Variants in MICAL3 observed in about 807,000 individuals in gnomAD.
The protein encoded by MICAL3 is microtubule associated monooxygenase, calponin and LIM domain containing 3.
A neutral mutation model predicts 207.4 loss-of-function variants in MICAL3; 62 were observed. That is an observed-to-expected ratio of 0.30 (90% CI 0.24 to 0.37). The LOEUF is 0.37. Among genes scored for constraint, MICAL3 ranks in the 10% least tolerant of loss-of-function variants. The probability of loss-of-function intolerance (pLI) is 1.00; values close to 1 mark genes in which losing one functional copy is unlikely to be tolerated. For synonymous variants in MICAL3, 1,077 were observed against 1,069.3 expected, an observed-to-expected ratio of 1.01 and a Z score of -0.14; for missense variants, 2,368 against 2,635.6, an observed-to-expected ratio of 0.90 and a Z score of 2.22.
intron 1 of MICAL3, among the ~76,000 whole-genome samples, chr22:17,907,398 T>C (rs1931816428): frequency 1.3e-5 from 2 of 152,234 alleles, no homozygotes; most frequent in South Asian, 4.1e-4. Context: ...AGGCCCCGGA[T>C]TAAACGGAGA....
In MICAL3 at chr22:17,790,812, G is replaced by A; in HGVS notation, c.5929C>T (p.Gln1977Ter). 1 of 1,613,746 alleles carries A rather than the reference G, an allele frequency of 6.2e-7. No homozygotes were observed. The highest frequency in any genetic ancestry group is 8.5e-7 in the Non-Finnish European group (1 of 1,179,876). ...RDSLVALLEE[Q>*]RLREREEDKD... is the part of the protein sequence containing the mutation. Reference sequence around the variant, plus strand: ...TCCTCCTCTCTCTCCCGGAGCCGCTGCTCCTCCAGCAGCGCCACCAGTGAG... The same window carrying A: ...TCCTCCTCTCTCTCCCGGAGCCGCTACTCCTCCAGCAGCGCCACCAGTGAG... The change falls in exon 32 of 32, where the codon CAG (glutamine) becomes TAG (stop). Residue 1977 changes from glutamine (Q) to a stop codon, truncating the protein, a stop_gained. Coordinates refer to ENST00000441493, the MANE Select transcript of MICAL3 (RefSeq NM_015241.3). LOFTEE classifies it high-confidence loss of function.
At chr22:17,831,119 C>G (rs1228847578) in intron 21 of MICAL3, among the ~76,000 whole-genome samples, 1 of 152,314 alleles carries the variant, frequency 6.6e-6, no homozygotes, top group Admixed American at 6.5e-5. Context: ...TCATGTCCTT[C>G]CTGCTCACTC....
intron 1 of MICAL3, among the ~76,000 whole-genome samples, chr22:18,015,309 C>T (rs1244359479): frequency 1.3e-5 from 2 of 151,692 alleles, no homozygotes; most frequent in Admixed American, 1.3e-4. Context: ...TTTCTCTTTT[C>T]TTCTACATTC....
rs546735023 is a variant in MICAL3 at position 17,997,161 on chromosome 22, G to A, written c.-75+27120C>T. Among the ~76,000 whole-genome samples, 14 of 147,176 alleles carry A rather than the reference G, an allele frequency of 9.5e-5. No homozygotes were observed. In the East Asian group the frequency reaches 2.4e-3, roughly 25 times the overall value. Reference sequence around the variant, plus strand: ...TCACTGCAACCTCGGCCTCCTGAGCGCAGGCAATCCTCCCACCTCAGCCTC... The same window carrying A: ...TCACTGCAACCTCGGCCTCCTGAGCACAGGCAATCCTCCCACCTCAGCCTC... On this transcript the variant is annotated intron_variant, in intron 1 of 31. Coordinates refer to ENST00000441493, the MANE Select transcript of MICAL3 (RefSeq NM_015241.3).
chr22:17,787,919 C>A lies in MICAL3; in HGVS notation c.*2813G>T, dbSNP rs1468988185. On this transcript the variant is annotated 3_prime_UTR_variant, in exon 32 of 32. Transcript: ENST00000441493. ...CAGGGGCGGGAGCGCCTCCGGCCTG[C>A]CCTCCAGGGAAGCTGCATGTGGACC... 1 of 152,274 alleles carries A rather than the reference C, an allele frequency of 6.6e-6. No individual in the cohort carries two copies. The highest frequency in any genetic ancestry group is 2.4e-5 in the African/African-American group (1 of 41,462). 9.4% of individuals were successfully genotyped at this position (152,274 alleles called of 1,614,324 possible).
chr22:17,968,994 T>A (rs898032474), intron 1 of MICAL3, among the ~76,000 whole-genome samples: 1 of 152,192 alleles, frequency 6.6e-6, no homozygotes, highest in Non-Finnish European at 1.5e-5. Context: ...GTCAAAAATA[T>A]GTAAAATTCA....
chr22:17,913,686 C>A (rs1932282898), intron 1 of MICAL3, among the ~76,000 whole-genome samples: 1 of 152,170 alleles, frequency 6.6e-6, no homozygotes, highest in Non-Finnish European at 1.5e-5. Context: ...ACAGTCCTAA[C>A]ACTTATGTTG....
chr22:17,959,575 A>G (rs1934800814), intron 1 of MICAL3, among the ~76,000 whole-genome samples: 1 of 152,284 alleles, frequency 6.6e-6, no homozygotes, highest in African/African-American at 2.4e-5. Flanking sequence ...TTAGCCTCCC[A>G]AAGTGCTGGG....
chr22:17,920,576 G>C (rs527779912), intron 1 of MICAL3, among the ~76,000 whole-genome samples: 2 of 152,166 alleles, frequency 1.3e-5, no homozygotes, highest in Admixed American at 6.5e-5. Context: ...TCTCCACACC[G>C]GCCTCCAGTC....
intron 29 of MICAL3, among the ~76,000 whole-genome samples, chr22:17,800,839 T>C (rs1446259398): frequency 3.3e-5 from 5 of 152,160 alleles, no homozygotes; most frequent in Non-Finnish European, 7.4e-5. Flanking sequence ...AATTAACGAA[T>C]ATTACTAAGT....
chr22:17,977,998 C>T lies in MICAL3; in HGVS notation c.-75+46283G>A, dbSNP rs137938548. On this transcript the variant is annotated intron_variant, in intron 1 of 31. Transcript: ENST00000441493. ...GATCACAGCACTGCACTCCAGCCTG[C>T]GCAACAAGAGTGAAACTCTGTCTCA... Among the ~76,000 whole-genome samples, 531 of 151,356 alleles carry T rather than the reference C, an allele frequency of 3.5e-3. 2 individuals are homozygous for T. Among genetic ancestry groups the T allele is most frequent in the South Asian group, 0.015 (72 of 4,758 alleles).
chr22:17,807,763 C>T (rs2062002846), intron 29 of MICAL3, among the ~76,000 whole-genome samples: 1 of 152,218 alleles, frequency 6.6e-6, no homozygotes, highest in Admixed American at 6.5e-5. Flanking sequence ...AGTCTTTGAG[C>T]AAGATCAGAT....
chr22:17,827,902 A>C, intron 21 of MICAL3, 121 bp from the exon 22 acceptor site: 1 of 1,087,116 alleles, frequency 9.2e-7, no homozygotes. Flanking sequence ...AATCAGAAAG[A>C]AGTAAAAATT....
intron 27 of MICAL3, among the ~76,000 whole-genome samples, chr22:17,815,961 C>A (rs563903589): frequency 9.8e-5 from 15 of 152,290 alleles, no homozygotes; most frequent in Middle Eastern, 6.8e-3. Flanking sequence ...GCTTTTGACG[C>A]AAAAGGGAGG....
intron 21 of MICAL3, among the ~76,000 whole-genome samples, chr22:17,828,276 T>C (rs1922424235): frequency 6.6e-6 from 1 of 152,234 alleles, no homozygotes; most frequent in South Asian, 2.1e-4. Flanking sequence ...GCCCAGCTGA[T>C]GGCCAGGTGA....
At chr22:17,836,334 T>G (rs1222832479) in intron 20 of MICAL3, among the ~76,000 whole-genome samples, 1 of 152,176 alleles carries the variant, frequency 6.6e-6, no homozygotes, top group Admixed American at 6.5e-5. Flanking sequence ...ACAAATGCTC[T>G]AGGTCACGGG....
chr22:17,983,201 C>T (rs1363134644), intron 1 of MICAL3: 1 of 152,302 alleles, frequency 6.6e-6, no homozygotes, highest in Non-Finnish European at 1.5e-5. Flanking sequence ...CCAAATCTGT[C>T]TCTTCTCACA....
In MICAL3 at chr22:17,982,188, G is replaced by A. The variant is rs79622490; in HGVS notation, c.-75+42093C>T. Among the ~76,000 whole-genome samples, 1,010 of 152,314 alleles carry A rather than the reference G, an allele frequency of 6.6e-3. 5 individuals are homozygous for A. The highest frequency in any genetic ancestry group is 0.01 in the Non-Finnish European group (695 of 68,038). ...CTCACTACTGAATTCCCAGCATTCA[G>A]TACACGAAAGGTGGTGACGGCACTT... On this transcript the variant is annotated intron_variant, in intron 1 of 31. Coordinates refer to ENST00000441493, the MANE Select transcript of MICAL3 (RefSeq NM_015241.3).
chr22:17,950,264 C>T (rs555147135), intron 1 of MICAL3, among the ~76,000 whole-genome samples: 6 of 150,054 alleles, frequency 4.0e-5, no homozygotes, highest in African/African-American at 9.9e-5. Context: ...TAGGTTCAGG[C>T]GATTCTTGTA....
Sources: allele counts gnomAD v4.1 joint callset (sites outside exome capture counted in the v4.1 genomes callset), GRCh38; gene constraint gnomAD v4.1.1; transcripts MANE v1.5; gene names NCBI Gene and HGNC (gene_info 2026-07-23, HGNC 2026-07-21).